Variants in IMPG1 observed in about 807,000 individuals in gnomAD.
The protein encoded by IMPG1 is interphotoreceptor matrix proteoglycan of 150 kDa.
In IMPG1, 85 loss-of-function variants were observed where a neutral mutation model predicts 92.0. The observed-to-expected ratio is 0.92, with a 90% confidence interval of 0.78 to 1.11. The LOEUF (loss-of-function observed/expected upper bound fraction) is 1.11. Among genes scored for constraint, IMPG1 ranks in the 50% least tolerant of loss-of-function variants. The pLI, the probability that IMPG1 is intolerant of heterozygous loss-of-function variation, is 0.00. For missense variants in IMPG1, 1,022 were observed against 956.0 expected, an observed-to-expected ratio of 1.07 and a Z score of -0.91; for synonymous variants, 367 against 334.1, an observed-to-expected ratio of 1.10 and a Z score of -1.08.
intron 14 of IMPG1, among the ~76,000 whole-genome samples, chr6:75,938,419 G>C (rs936285623): frequency 6.6e-6 from 1 of 152,192 alleles, no homozygotes; most frequent in African/African-American, 2.4e-5. Flanking sequence ...AAAGAAAAGA[G>C]AAAGACTTAA....
At chr6:75,985,785 C>G (rs1436285699) in intron 12 of IMPG1, among the ~76,000 whole-genome samples, 4 of 152,116 alleles carry the variant, frequency 2.6e-5, no homozygotes, top group Non-Finnish European at 2.9e-5. Flanking sequence ...AATTCTGAGG[C>G]AAAAGGGAAA....
At chr6:75,963,006 A>T (rs1463562301) in intron 12 of IMPG1, among the ~76,000 whole-genome samples, 1 of 151,630 alleles carries the variant, frequency 6.6e-6, no homozygotes, top group Non-Finnish European at 1.5e-5. Context: ...GCCCCACTGT[A>T]CTCCAGCCTA....
chr6:75,965,671 CG>C (rs1413828693), intron 12 of IMPG1, among the ~76,000 whole-genome samples: 2 of 133,694 alleles, frequency 1.5e-5, no homozygotes, highest in Non-Finnish European at 3.1e-5. Flanking sequence ...GCAGTGTGGC[CG>C]GTCTTGGCTT....
intron 5 of IMPG1, chr6:76,024,858 T>A (rs1002793514): frequency 9.9e-6 from 4 of 404,970 alleles, no homozygotes; most frequent in Non-Finnish European, 1.9e-5. Flanking sequence ...TACATCAGGT[T>A]AAGTGGAAAA....
intron 1 of IMPG1, among the ~76,000 whole-genome samples, chr6:76,064,909 T>C (rs1784281337): frequency 6.6e-6 from 1 of 152,036 alleles, no homozygotes. Flanking sequence ...ATTGGCACCA[T>C]AGGAGACAAT....
intron 9 of IMPG1, among the ~76,000 whole-genome samples, chr6:76,006,066 C>T (rs926146100): frequency 1.4e-4 from 22 of 152,102 alleles, no homozygotes; most frequent in African/African-American, 4.8e-4. Context: ...ATGGCTCAAG[C>T]GATCTGCCTG....
At chr6:75,974,526 A>G (rs987774149) in intron 12 of IMPG1, among the ~76,000 whole-genome samples, 16 of 145,218 alleles carry the variant, frequency 1.1e-4, no homozygotes, top group African/African-American at 3.8e-4. Flanking sequence ...CTGGAATGCA[A>G]TGGCGTGATC....
At chr6:75,969,658 A>G (rs1238020872) in intron 12 of IMPG1, among the ~76,000 whole-genome samples, 2 of 152,036 alleles carry the variant, frequency 1.3e-5, no homozygotes, top group Non-Finnish European at 2.9e-5. Context: ...GCTGGAACCC[A>G]TGAGACAGAG....
intron 2 of IMPG1, 79 bp from the exon 3 acceptor site, chr6:76,034,866 A>G: frequency 8.2e-7 from 1 of 1,225,738 alleles, no homozygotes; most frequent in South Asian, 1.5e-5. Context: ...ATAACATGGA[A>G]AATTATTTCA....
rs375944949 is a variant in IMPG1, at chr6:76,042,812, A to G, written c.68-686T>C. 2.6e-5 allele frequency among the ~76,000 whole-genome samples: 4 copies of G among 152,306 alleles called. No homozygotes were observed. The South Asian group carries it at 8.3e-4, about 32-fold the overall frequency. On this transcript the variant is annotated intron_variant, in intron 1 of 16. Coordinates refer to ENST00000369950, the MANE Select transcript of IMPG1 (RefSeq NM_001563.4). ...TTCTAAGCCATTTCATCCTGCTGGC[A>G]TGGCTGGTATCTATTAGGGTTAGGT...
At chr6:75,952,025 C>A (rs768191987) in intron 12 of IMPG1, among the ~76,000 whole-genome samples, 7 of 152,140 alleles carry the variant, frequency 4.6e-5, no homozygotes, top group Admixed American at 4.6e-4. Flanking sequence ...TTTCTACCAC[C>A]ATTTTGCATT....
chr6:75,981,365 T>C (rs971076546), intron 12 of IMPG1, among the ~76,000 whole-genome samples: 5 of 152,208 alleles, frequency 3.3e-5, no homozygotes, highest in Admixed American at 1.3e-4. Context: ...TGTGATCACA[T>C]TGAAGTTCCT....
chr6:76,027,380 A>AAAGT (rs1167688711), intron 4 of IMPG1, among the ~76,000 whole-genome samples: 3 of 152,242 alleles, frequency 2.0e-5, no homozygotes, highest in Non-Finnish European at 4.4e-5. Context: ...GCACACAATT[A>AAAGT]AAGTAACTTA....
At chr6:75,940,865 GA>G (rs1372566452) in intron 14 of IMPG1, among the ~76,000 whole-genome samples, 10 of 152,030 alleles carry the variant, frequency 6.6e-5, no homozygotes, top group Non-Finnish European at 1.2e-4. Context: ...GCATCTTCTG[GA>G]ATAGTCCCTC....
intron 1 of IMPG1, among the ~76,000 whole-genome samples, chr6:76,064,897 A>G (rs1301719160): frequency 1.3e-5 from 2 of 152,280 alleles, no homozygotes; most frequent in Admixed American, 1.3e-4. Flanking sequence ...GACCTCTGCC[A>G]TATTGGCACC....
intron 1 of IMPG1, among the ~76,000 whole-genome samples, chr6:76,054,508 C>T (rs887910207): frequency 1.3e-5 from 2 of 152,002 alleles, no homozygotes; most frequent in African/African-American, 4.8e-5. Flanking sequence ...TTTTAAGAGG[C>T]ATATTTAAAT....
At chr6:75,936,611 C>A (rs960036545) in intron 14 of IMPG1, among the ~76,000 whole-genome samples, 4 of 152,210 alleles carry the variant, frequency 2.6e-5, no homozygotes, top group Non-Finnish European at 5.9e-5. Flanking sequence ...GAAGCACCAC[C>A]ACAGCTGACT....
chr6:75,934,654 C>T (rs1791742033), intron 14 of IMPG1, among the ~76,000 whole-genome samples: 1 of 152,126 alleles, frequency 6.6e-6, no homozygotes, highest in Admixed American at 6.5e-5. Flanking sequence ...TCCAAGACTG[C>T]CTCTTTTTCA....
chr6:76,016,018 C>T (rs776282711), intron 7 of IMPG1, among the ~76,000 whole-genome samples: 44 of 152,092 alleles, frequency 2.9e-4, no homozygotes, highest in Non-Finnish European at 6.2e-4. Context: ...ATCTCCTTTC[C>T]TCAGTTACCT....
Sources: allele counts gnomAD v4.1 joint callset (sites outside exome capture counted in the v4.1 genomes callset), GRCh38; gene constraint gnomAD v4.1.1; transcripts MANE v1.5; gene names NCBI Gene and HGNC (gene_info 2026-07-23, HGNC 2026-07-21).